Variants in SMC6 observed in about 807,000 individuals in gnomAD.
SMC6 encodes structural maintenance of chromosomes protein 6.
A neutral mutation model predicts 142.2 loss-of-function variants in SMC6; 79 were observed. The observed-to-expected ratio is 0.56, with a 90% CI of 0.46 to 0.67. The LOEUF (loss-of-function observed/expected upper bound fraction) is 0.67, where lower values mean the gene tolerates loss of function less well. Ranked by LOEUF, SMC6 falls within the 30% of genes least tolerant of loss-of-function variation. The pLI, the probability that SMC6 is intolerant of heterozygous loss-of-function variation, is 0.00. For missense variants in SMC6, 1,072 were observed against 1,284.0 expected (o/e 0.83, Z 2.52); for synonymous variants, 411 against 412.4 (o/e 1.00, Z 0.04).
chr2:17,719,150 T>C (rs1028138423), intron 11 of SMC6, among the ~76,000 whole-genome samples: 3 of 152,122 alleles, frequency 2.0e-5, no homozygotes, highest in Non-Finnish European at 4.4e-5. Context: ...CTAAAACAAT[T>C]CAACTCTGCC....
chr2:17,750,644 G>A (rs1670977897), intron 2 of SMC6, among the ~76,000 whole-genome samples: 1 of 152,162 alleles, frequency 6.6e-6, no homozygotes. Flanking sequence ...ATTATTCATA[G>A]AGAGTGAAAT....
chr2:17,687,448 CAAT>C (rs2124874718), intron 23 of SMC6, among the ~76,000 whole-genome samples: 1 of 152,100 alleles, frequency 6.6e-6, no homozygotes, highest in South Asian at 2.1e-4. Context: ...AGGAAGATCT[CAAT>C]GAACTGATAT....
intron 4 of SMC6, among the ~76,000 whole-genome samples, chr2:17,739,949 G>C (rs1385515553): frequency 1.4e-5 from 2 of 139,360 alleles, no homozygotes; most frequent in Non-Finnish European, 3.0e-5. Context: ...ACCATTTTCT[G>C]AACTCCATTC....
chr2:17,706,871 C>G (rs552570229), intron 18 of SMC6, among the ~76,000 whole-genome samples: 1 of 152,114 alleles, frequency 6.6e-6, no homozygotes, highest in Non-Finnish European at 1.5e-5. Context: ...TCTGCTGTAT[C>G]CTCTCTGAGA....
chr2:17,720,867 G>A, intron 11 of SMC6, 73 bp downstream of exon 11: 3 of 1,254,694 alleles, frequency 2.4e-6, no homozygotes, highest in Non-Finnish European at 3.4e-6. Context: ...GGTTTGGTGG[G>A]TCATAAATAG....
chr2:17,716,340 C>T, intron 14 of SMC6, 76 bp from the exon 15 acceptor site: 1 of 1,410,330 alleles, frequency 7.1e-7, no homozygotes, highest in Non-Finnish European at 9.6e-7. Context: ...CCCATAACAC[C>T]TACATCCCAG....
Position 17,716,777 on chromosome 2 carries a change from G to T in SMC6, c.1310C>A (p.Ala437Asp), listed in dbSNP as rs1412161363. 1.2e-6 allele frequency: 2 copies of T among 1,612,624 alleles called. No homozygotes were observed. Among genetic ancestry groups the T allele is most frequent in the Non-Finnish European group, 8.5e-7 (1 of 1,179,518 alleles). ...ATGTTCTTCTTTGTCCTTTTCTATG[G>T]CTTGCTGAAACTGTTCGATCTCTTG... ...VNQEIEQFQQ[A>D]IEKDKEEHGK... is the part of the protein sequence containing the mutation. The change falls in exon 14 of 28, where the codon GCC (alanine) becomes GAC (aspartate). Residue 437 changes from alanine (A) to aspartate (D), a missense_variant. Coordinates refer to ENST00000448223, the MANE Select transcript of SMC6 (RefSeq NM_001142286.2).
At chr2:17,707,954 C>A (rs1447844430) in intron 17 of SMC6, among the ~76,000 whole-genome samples, 1 of 149,052 alleles carries the variant, frequency 6.7e-6, no homozygotes, top group Non-Finnish European at 1.5e-5. Context: ...ATGAGTAGAA[C>A]CCACAAATAA....
chr2:17,718,217 G>A lies in SMC6; in HGVS notation c.952C>T (p.Leu318Phe). ...DRKMEEQQVR[L>F]NEAEQKYKDI... ...TTGTACTTTTGTTCTGCCTCATTAA[G>A]TCTGACCTTTAAGAAAATAACATTA... The change falls in exon 12 of 28, where the codon CTT (leucine) becomes TTT (phenylalanine). Residue 318 changes from leucine to phenylalanine, a missense_variant. Leu to Phe is a conservative substitution (Grantham distance 22). Transcript: ENST00000448223. 1 of 1,582,294 alleles carries A rather than the reference G, an allele frequency of 6.3e-7. No individual in the cohort carries two copies.
At chr2:17,743,821 CAT>C (rs1216978997) in intron 3 of SMC6, among the ~76,000 whole-genome samples, 1 of 152,172 alleles carries the variant, frequency 6.6e-6, no homozygotes, top group African/African-American at 2.4e-5. Flanking sequence ...TTCAGAACGT[CAT>C]ATAGTTGGAA....
chr2:17,709,805 C>T (rs1668732560), intron 16 of SMC6, among the ~76,000 whole-genome samples: 1 of 152,072 alleles, frequency 6.6e-6, no homozygotes, highest in South Asian at 2.1e-4. Context: ...TAACACTGGG[C>T]AGATACCTGA....
At chr2:17,744,226 A>G (rs1180057719) in intron 3 of SMC6, among the ~76,000 whole-genome samples, 1 of 152,090 alleles carries the variant, frequency 6.6e-6, no homozygotes, top group African/African-American at 2.4e-5. Flanking sequence ...CATTCTTGTC[A>G]GCATTTGGTG....
intron 7 of SMC6, among the ~76,000 whole-genome samples, chr2:17,730,326 A>G (rs1669843681): frequency 6.6e-6 from 1 of 152,070 alleles, no homozygotes; most frequent in Non-Finnish European, 1.5e-5. Flanking sequence ...TCCAAAATAG[A>G]GAAATGCTTT....
intron 25 of SMC6, among the ~76,000 whole-genome samples, chr2:17,678,604 C>CG (rs1251292390): frequency 2.1e-4 from 23 of 110,634 alleles, no homozygotes; most frequent in African/African-American, 8.7e-4. Context: ...CTTGTCTATA[C>CG]GGAAAAAAAA....
At chr2:17,714,397 A>G (rs558357064) in intron 16 of SMC6, among the ~76,000 whole-genome samples, 1 of 152,220 alleles carries the variant, frequency 6.6e-6, no homozygotes, top group Non-Finnish European at 1.5e-5. Flanking sequence ...CCTGGCCTAC[A>G]TTCATTTTTA....
At chr2:17,666,780 C>CGA (rs1425839741) in intron 26 of SMC6, among the ~76,000 whole-genome samples, 9 of 150,688 alleles carry the variant, frequency 6.0e-5, no homozygotes, top group African/African-American at 2.2e-4. Context: ...GTCAGGAGTT[C>CGA]GAGACCAGCC....
intron 26 of SMC6, among the ~76,000 whole-genome samples, chr2:17,667,777 G>A (rs990233453): frequency 2.6e-5 from 4 of 152,210 alleles, no homozygotes; most frequent in Admixed American, 2.6e-4. Context: ...TTGAATCCAG[G>A]AGGCGGAGGT....
intron 2 of SMC6, among the ~76,000 whole-genome samples, chr2:17,749,883 T>G (rs919327890): frequency 2.7e-4 from 41 of 152,312 alleles, no homozygotes; most frequent in African/African-American, 9.9e-4. Flanking sequence ...AAAAAAGTGT[T>G]ATCATTTTTT....
chr2:17,707,807 T>C (rs1668622910), intron 17 of SMC6, among the ~76,000 whole-genome samples: 1 of 152,042 alleles, frequency 6.6e-6, no homozygotes, highest in Non-Finnish European at 1.5e-5. Context: ...TACTGAAATA[T>C]GTAGGGAAAG....
Sources: gnomAD v4.1 joint callset for allele counts (sites outside exome capture counted in the v4.1 genomes callset) on GRCh38, gnomAD v4.1.1 for gene constraint, MANE v1.5 for transcripts, NCBI Gene and HGNC (gene_info 2026-07-23, HGNC 2026-07-21) for gene names.